Variants in ADGRD1 observed in about 807,000 individuals in gnomAD.
The protein encoded by ADGRD1 is adhesion G protein-coupled receptor D1.
Under a neutral mutation model 113.4 loss-of-function variants are expected in ADGRD1, and 77 were observed. That is an observed-to-expected ratio of 0.68 (90% CI 0.57 to 0.82). The LOEUF is 0.82. ADGRD1 is among the 40% of genes least tolerant of loss of function. The pLI is 0.00. For missense variants in ADGRD1, 1,036 were observed against 1,139.1 expected (o/e 0.91, Z 1.30); for synonymous variants, 474 against 475.0 (o/e 1.00, Z 0.03).
chr12:131,003,409 C>A lies in ADGRD1; in HGVS notation c.1144+107C>A. 1 of 827,456 alleles carries A rather than the reference C, an allele frequency of 1.2e-6. No homozygotes were observed. Among genetic ancestry groups the A allele is most frequent in the Non-Finnish European group, 2.0e-6 (1 of 490,442 alleles). The allele number at this position is 827,456 out of a possible 1,614,324, so 51.3% of individuals were successfully genotyped here. On this transcript the variant is annotated intron_variant, in intron 10 of 24. Coordinates refer to ENST00000261654, the MANE Select transcript of ADGRD1 (RefSeq NM_198827.5). The surrounding 1 kb of genome is among the most constrained non-coding windows in gnomAD (Gnocchi z 4.8). ...TTAGCAGAGAGCCATGCTCTGTCTCCCTGACTGCTCTGCCTGGCACAAACC... is the reference window on the plus strand; with the variant it reads ...TTAGCAGAGAGCCATGCTCTGTCTCACTGACTGCTCTGCCTGGCACAAACC...
intron 11 of ADGRD1, among the ~76,000 whole-genome samples, 183 bp downstream of exon 11, chr12:131,004,479 A>G (rs1876847828): frequency 6.6e-6 from 1 of 151,364 alleles, no homozygotes; most frequent in Non-Finnish European, 1.5e-5. Flanking sequence ...AGCCGTTCTC[A>G]AAGCGTGTCC....
In ADGRD1 at chr12:131,084,908, G is replaced by A. The variant is rs893636882; in HGVS notation, c.1671+245G>A. 3.3e-5 allele frequency among the ~76,000 whole-genome samples: 5 copies of A among 152,284 alleles called. No individual in the cohort carries two copies. Among genetic ancestry groups the A allele is most frequent in the Non-Finnish European group, 5.9e-5 (4 of 68,018 alleles). ...AATCGAGTCCAGTGTGGTGTGCTTC[G>A]CACAGCAACGCCCAGACTGCACCTG... On this transcript the variant is annotated intron_variant, in intron 15 of 24. Coordinates refer to ENST00000261654, the MANE Select transcript of ADGRD1 (RefSeq NM_198827.5). This position sits in a 1 kb window ranked among gnomAD's most constrained non-coding sequence, Gnocchi z 4.5.
intron 15 of ADGRD1, among the ~76,000 whole-genome samples, chr12:131,093,736 A>G (rs1210546149): frequency 6.6e-6 from 1 of 152,186 alleles, no homozygotes; most frequent in Non-Finnish European, 1.5e-5. Context: ...CACCTCCTGC[A>G]TGCAGCTGGG....
chr12:131,109,192 A>T (rs1016530390), intron 18 of ADGRD1, among the ~76,000 whole-genome samples: 2 of 152,272 alleles, frequency 1.3e-5, no homozygotes, highest in African/African-American at 4.8e-5. Flanking sequence ...AATTTTGGTG[A>T]TCTTTTCAAA....
intron 15 of ADGRD1, among the ~76,000 whole-genome samples, chr12:131,087,698 G>T (rs543299651): frequency 4.5e-4 from 65 of 143,952 alleles, no homozygotes; most frequent in Non-Finnish European, 3.7e-4. Flanking sequence ...CAGCTGCCCC[G>T]CCAGCGACTG....
intron 8 of ADGRD1, among the ~76,000 whole-genome samples, chr12:130,998,254 A>G (rs1249362962): frequency 6.6e-6 from 1 of 151,948 alleles, no homozygotes; most frequent in Non-Finnish European, 1.5e-5. Flanking sequence ...TTATGTGCAG[A>G]CCAAATACAA....
intron 13 of ADGRD1, among the ~76,000 whole-genome samples, chr12:131,056,146 G>A (rs1307189731): frequency 6.6e-6 from 1 of 152,188 alleles, no homozygotes; most frequent in Non-Finnish European, 1.5e-5. Context: ...ATTGTGTTAT[G>A]AAAATATTAT....
At chr12:131,100,993 G>A (rs1725804) in intron 15 of ADGRD1, among the ~76,000 whole-genome samples, 38,993 of 152,130 alleles carry the variant, frequency 0.26, 6,215 homozygotes, top group East Asian at 0.66. Flanking sequence ...AATACCTCTG[G>A]TTACCATTGT....
rs543352426 is a variant in ADGRD1, at chr12:131,041,726, C to A, written c.1473+27386C>A. 5.9e-5 allele frequency among the ~76,000 whole-genome samples: 9 copies of A among 152,362 alleles called. 1 individual carries two copies. The highest frequency in any genetic ancestry group is 1.9e-4 in the African/African-American group (8 of 41,582). ...GAATCAGGGAGCAGTTCCCGGGGAA[C>A]ACACTGCACGCTGTTGCCGCAGCCT... On this transcript the variant is annotated intron_variant, in intron 13 of 24. Coordinates refer to ENST00000261654, the MANE Select transcript of ADGRD1 (RefSeq NM_198827.5). This position sits in a 1 kb window ranked among gnomAD's most constrained non-coding sequence, Gnocchi z 4.4.
At chr12:131,007,113 C>A (rs1360888539) in intron 12 of ADGRD1, among the ~76,000 whole-genome samples, 4 of 152,188 alleles carry the variant, frequency 2.6e-5, no homozygotes, top group Non-Finnish European at 4.4e-5. Context: ...CGTGGGAAAG[C>A]GGCATCCGTG....
intron 15 of ADGRD1, among the ~76,000 whole-genome samples, chr12:131,093,639 G>A (rs1470812714): frequency 6.6e-6 from 1 of 152,200 alleles, no homozygotes; most frequent in Non-Finnish European, 1.5e-5. Context: ...TGCAGTGCCG[G>A]CAGCCGCAGC....
intron 3 of ADGRD1, chr12:130,969,100 G>A (rs972318773): frequency 6.3e-6 from 8 of 1,266,944 alleles, no homozygotes; most frequent in African/African-American, 1.5e-5. Flanking sequence ...TTTGTTCTTC[G>A]TTCTGTCAAG....
chr12:131,118,094 T>A (rs1247428085), intron 18 of ADGRD1, among the ~76,000 whole-genome samples: 1 of 152,260 alleles, frequency 6.6e-6, no homozygotes, highest in Non-Finnish European at 1.5e-5. Flanking sequence ...CCAGTCACAA[T>A]GCCACATCTC....
At position 131,113,470 on chromosome 12, in the gene ADGRD1, G is replaced by C. The variant is rs1950390351; in HGVS notation, c.2041+4593G>C. On this transcript the variant is annotated intron_variant, in intron 18 of 24. Transcript: ENST00000261654. This position sits in a 1 kb window ranked among gnomAD's most constrained non-coding sequence, Gnocchi z 4.9. ...ATTCTCGCAGTTGTTGTAAAACACT[G>C]ACCAGACATGAGGGACCTGCTACTT... 6.6e-6 allele frequency among the ~76,000 whole-genome samples: 1 copy of C among 152,144 alleles called. No individual in the cohort carries two copies. The highest frequency in any genetic ancestry group is 1.5e-5 in the Non-Finnish European group (1 of 68,046).
In ADGRD1 at chr12:130,954,302, G is replaced by C. The variant is rs1441319467; in HGVS notation, c.-164G>C. The stretch of plus-strand genomic sequence containing the variant: ...GAGACGAGGAAGAAACACCCATTAG[G>C]TCTCCAAGACAGCTGTGTTTCACAA... On this transcript the variant is annotated 5_prime_UTR_variant, in exon 1 of 25. Coordinates refer to ENST00000261654, the MANE Select transcript of ADGRD1 (RefSeq NM_198827.5). This position sits in a 1 kb window ranked among gnomAD's most constrained non-coding sequence, Gnocchi z 4.7. 3.5e-6 allele frequency: 2 copies of C among 563,924 alleles called. No homozygotes were observed. The highest frequency in any genetic ancestry group is 6.2e-6 in the Non-Finnish European group (2 of 323,828). The allele number at this position is 563,924 out of a possible 1,614,324, so 34.9% of individuals were successfully genotyped here. A position where few individuals can be genotyped will look rare whatever the true frequency, so the allele number is the denominator to read the frequency against.
intron 5 of ADGRD1, among the ~76,000 whole-genome samples, chr12:130,983,949 G>A (rs895908660): frequency 5.9e-5 from 9 of 152,180 alleles, no homozygotes; most frequent in African/African-American, 1.9e-4. Flanking sequence ...GTTGATGAGC[G>A]TGGTTCTTGT....
intron 4 of ADGRD1, among the ~76,000 whole-genome samples, chr12:130,973,572 AG>A (rs1322092240): frequency 2.0e-5 from 3 of 152,200 alleles, no homozygotes; most frequent in African/African-American, 7.2e-5. Context: ...TGATCATAAT[AG>A]CTGCATACCC....
At chr12:131,082,081 A>G (rs776979405) in intron 14 of ADGRD1, among the ~76,000 whole-genome samples, 5 of 152,126 alleles carry the variant, frequency 3.3e-5, no homozygotes, top group Non-Finnish European at 5.9e-5. Flanking sequence ...GTGTTTTTTC[A>G]ATAATTTATA....
intron 13 of ADGRD1, among the ~76,000 whole-genome samples, chr12:131,016,187 GCA>G (rs1411572633): frequency 1.3e-5 from 2 of 152,240 alleles, no homozygotes; most frequent in African/African-American, 4.8e-5. Flanking sequence ...CGCTGTATTA[GCA>G]CAGAGTCTCA....
Sources: gnomAD v4.1 joint callset for allele counts (sites outside exome capture counted in the v4.1 genomes callset) on GRCh38, gnomAD v4.1.1 for gene constraint, Gnocchi (gnomAD v3.1) non-coding constraint, MANE v1.5 for transcripts, NCBI Gene and HGNC (gene_info 2026-07-23, HGNC 2026-07-21) for gene names.